Variants in GNPTAB observed in about 807,000 individuals in gnomAD.
The protein encoded by GNPTAB is N-acetylglucosamine-1-phosphate transferase subunits alpha and beta, also known as N-acetylglucosamine-1-phosphotransferase subunits alpha/beta.
A neutral mutation model predicts 136.6 loss-of-function variants in GNPTAB; 92 were observed. The ratio of observed to expected loss-of-function variants is 0.67; its 90% CI spans 0.57 to 0.80. GNPTAB has a LOEUF of 0.80. Among genes scored for constraint, GNPTAB ranks in the 30% least tolerant of loss-of-function variants. The pLI is 0.00. For missense variants in GNPTAB, 1,343 were observed against 1,501.8 expected, an observed-to-expected ratio of 0.89 and a Z score of 1.75; for synonymous variants, 512 against 535.1, an observed-to-expected ratio of 0.96 and a Z score of 0.60.
chr12:101,811,746 C>A (rs1480117142), intron 1 of GNPTAB, among the ~76,000 whole-genome samples: 2 of 150,864 alleles, frequency 1.3e-5, no homozygotes, highest in African/African-American at 2.4e-5. Flanking sequence ...TCAAGTGATT[C>A]TCTTGCCTCA....
chr12:101,788,423 T>A, intron 4 of GNPTAB, 125 bp downstream of exon 4: 1 of 722,592 alleles, frequency 1.4e-6, no homozygotes, highest in Non-Finnish European at 2.5e-6. Context: ...TGTACCTAAT[T>A]TGGGGTCAAA....
Position 101,796,600 on chromosome 12 carries a change from T to C in GNPTAB, c.203+77A>G. On this transcript the variant is annotated intron_variant, in intron 2 of 20. Transcript: ENST00000299314. ...TATAACTCAGAAAGACCCCTTAAAC[T>C]GTCATATTTACAGGATGGCTATTTC... 14 of 941,300 alleles carry C rather than the reference T, an allele frequency of 1.5e-5. No individual in the cohort carries two copies. The South Asian group carries it at 1.8e-4, about 12-fold the overall frequency. 58.3% of individuals were successfully genotyped at this position (941,300 alleles called of 1,614,324 possible).
At chr12:101,793,848 A>ATTTC (rs1393883480) in intron 2 of GNPTAB, among the ~76,000 whole-genome samples, 1 of 152,040 alleles carries the variant, frequency 6.6e-6, no homozygotes, top group Non-Finnish European at 1.5e-5. Flanking sequence ...TTATTTATTT[A>ATTTC]TTTACTTATT....
intron 12 of GNPTAB, chr12:101,765,711 G>GA (rs1953080569): frequency 6.0e-6 from 2 of 332,862 alleles, no homozygotes; most frequent in Non-Finnish European, 1.1e-5. Context: ...TTATCCATTT[G>GA]AAAAAAACTT....
intron 5 of GNPTAB, chr12:101,785,712 A>G (rs2137143952): frequency 2.9e-6 from 1 of 346,068 alleles, no homozygotes; most frequent in South Asian, 3.4e-5. Flanking sequence ...GGAGTTATAT[A>G]GTAGAAAAAT....
intron 1 of GNPTAB, among the ~76,000 whole-genome samples, chr12:101,809,600 A>C (rs1870112685): frequency 6.6e-6 from 1 of 152,258 alleles, no homozygotes; most frequent in South Asian, 2.1e-4. Flanking sequence ...CAAGTCATGA[A>C]GAGACATAGA....
Position 101,770,417 on chromosome 12 carries a change from C to T in GNPTAB, c.1102G>A (p.Val368Ile). Reference protein sequence around the residue: ...LNLDNPRVTIVTHQDVFRNLS... With the variant: ...LNLDNPRVTIITHQDVFRNLS... ...AGAAAGTCCTGTACCTGGTGTGTTA[C>T]TATTGTCACTCGAGGATTGTCAAGG... Residue 368 changes from valine (V) to isoleucine (I), a missense_variant, in exon 9 of 21, where the codon GTA becomes ATA. Coordinates refer to ENST00000299314, the MANE Select transcript of GNPTAB (RefSeq NM_024312.5). The T allele has an allele frequency of 1.2e-6, 2 of 1,611,664 alleles. No individual in the cohort carries two copies. The highest frequency in any genetic ancestry group is 1.7e-6 in the Non-Finnish European group (2 of 1,177,694).
At chr12:101,817,757 C>T (rs1164479033) in intron 1 of GNPTAB, among the ~76,000 whole-genome samples, 1 of 152,128 alleles carries the variant, frequency 6.6e-6, no homozygotes, top group Non-Finnish European at 1.5e-5. Context: ...CCCAGGAGTT[C>T]AAGACCAGTC....
chr12:101,820,525 TG>T (rs929343116), intron 1 of GNPTAB, among the ~76,000 whole-genome samples: 6 of 152,310 alleles, frequency 3.9e-5, no homozygotes, highest in African/African-American at 1.4e-4. Context: ...GATTCTTTGT[TG>T]TAGGGGCTGT....
chr12:101,830,333 T>A (rs1043332743), intron 1 of GNPTAB, among the ~76,000 whole-genome samples: 10 of 152,150 alleles, frequency 6.6e-5, no homozygotes, highest in African/African-American at 2.4e-4. Flanking sequence ...TGATAAAGAA[T>A]ACTGTATTTG....
At chr12:101,787,914 A>AG (rs1868759109) in intron 4 of GNPTAB, among the ~76,000 whole-genome samples, 1 of 1,908 alleles carries the variant, frequency 5.2e-4, no homozygotes, top group Non-Finnish European at 2.4e-3. Flanking sequence ...ACTCCGTCTC[A>AG]AAAAAAAAAA....
At chr12:101,776,480 CAA>C (rs1953264046) in intron 7 of GNPTAB, among the ~76,000 whole-genome samples, 1 of 152,010 alleles carries the variant, frequency 6.6e-6, no homozygotes, top group African/African-American at 2.4e-5. Context: ...AGACTACAGT[CAA>C]AAGATTTTAT....
At chr12:101,750,879 T>C (rs1379037991) in intron 19 of GNPTAB, among the ~76,000 whole-genome samples, 3 of 152,226 alleles carry the variant, frequency 2.0e-5, no homozygotes, top group Non-Finnish European at 4.4e-5. Flanking sequence ...AGTTCGTCTA[T>C]TGCTTTTTCT....
At chr12:101,796,785 T>C (rs1472427837) in intron 1 of GNPTAB, 23 bp from the exon 2 acceptor site, 3 of 1,472,704 alleles carry the variant, frequency 2.0e-6, no homozygotes, top group South Asian at 2.3e-5. Context: ...AAAAGAAACG[T>C]TTTCTTCGCA....
chr12:101,794,404 T>C (rs1157821199), intron 2 of GNPTAB, among the ~76,000 whole-genome samples: 2 of 152,174 alleles, frequency 1.3e-5, no homozygotes, highest in East Asian at 3.9e-4. Flanking sequence ...ATCTTAACAC[T>C]TTGGGAGGCT....
chr12:101,808,637 T>A (rs1297372043), intron 1 of GNPTAB, among the ~76,000 whole-genome samples: 1 of 152,184 alleles, frequency 6.6e-6, no homozygotes, highest in Non-Finnish European at 1.5e-5. Context: ...AGAAAAAGAC[T>A]GATCAGTTGT....
intron 6 of GNPTAB, 23 bp from the exon 7 acceptor site, chr12:101,780,309 A>G: frequency 6.2e-7 from 1 of 1,612,960 alleles, no homozygotes; most frequent in Non-Finnish European, 8.5e-7. Flanking sequence ...GAAAAACATA[A>G]CTCATTTTCC....
At chr12:101,805,393 T>C (rs1869879148) in intron 1 of GNPTAB, among the ~76,000 whole-genome samples, 2 of 152,190 alleles carry the variant, frequency 1.3e-5, no homozygotes, top group African/African-American at 4.8e-5. Flanking sequence ...AAGAATGTTT[T>C]TGTTTTTGTT....
chr12:101,785,632 A>C, intron 5 of GNPTAB: 1 of 201,630 alleles, frequency 5.0e-6, no homozygotes, highest in Non-Finnish European at 1.0e-5. Flanking sequence ...TTCAGTTCAT[A>C]TATTTCAGAA....
Sources: gnomAD v4.1 joint callset for allele counts (sites outside exome capture counted in the v4.1 genomes callset) on GRCh38, gnomAD v4.1.1 for gene constraint, MANE v1.5 for transcripts, NCBI Gene and HGNC (gene_info 2026-07-23, HGNC 2026-07-21) for gene names.